DAB1: variants seen among roughly 807,000 people sequenced by gnomAD.
The protein encoded by DAB1 is disabled homolog 1.
DAB1 carries 15 observed loss-of-function variants against 64.6 expected under a neutral mutation model. The ratio of observed to expected loss-of-function variants is 0.23; its 90% CI spans 0.16 to 0.36. The LOEUF (loss-of-function observed/expected upper bound fraction) is 0.36. DAB1 is among the 10% of genes least tolerant of loss of function. The pLI is 1.00. For synonymous variants in DAB1, 235 were observed against 251.9 expected, an observed-to-expected ratio of 0.93 and a Z score of 0.64; for missense variants, 596 against 706.7, an observed-to-expected ratio of 0.84 and a Z score of 1.78.
intron 5 of DAB1, chr1:58,048,322 A>C: frequency 2.7e-6 from 3 of 1,119,106 alleles, no homozygotes; most frequent in South Asian, 2.5e-5. Flanking sequence ...TGGGTCCAAA[A>C]TTTGAAAACT....
chr1:57,258,676 A>G (rs902055847), intron 2 of DAB1, among the ~76,000 whole-genome samples: 1 of 152,208 alleles, frequency 6.6e-6, no homozygotes, highest in African/African-American at 2.4e-5. Context: ...AATTACGCAA[A>G]TGATCCAAAT....
intron 7 of DAB1, among the ~76,000 whole-genome samples, chr1:57,520,914 A>G (rs1257304561): frequency 6.6e-6 from 1 of 152,048 alleles, no homozygotes; most frequent in Non-Finnish European, 1.5e-5. Context: ...CAGGACAGTC[A>G]AGCAGAAAAG....
intron 7 of DAB1, among the ~76,000 whole-genome samples, chr1:57,644,222 A>G (rs1009576582): frequency 4.6e-5 from 7 of 152,194 alleles, no homozygotes; most frequent in Admixed American, 2.6e-4. Flanking sequence ...AAAAGAGGCG[A>G]GAAACTAGAC....
intron 9 of DAB1, among the ~76,000 whole-genome samples, chr1:57,032,026 C>T (rs966143084): frequency 6.6e-6 from 1 of 152,200 alleles, no homozygotes; most frequent in Non-Finnish European, 1.5e-5. Flanking sequence ...TCTCCCCAGT[C>T]ATTCTTTGAT....
chr1:57,239,513 A>C (rs1310552995), intron 2 of DAB1, among the ~76,000 whole-genome samples: 1 of 152,176 alleles, frequency 6.6e-6, no homozygotes, highest in Non-Finnish European at 1.5e-5. Context: ...TGATTTAGGC[A>C]ATGGGGAGTG....
intron 2 of DAB1, among the ~76,000 whole-genome samples, chr1:57,158,546 T>C (rs1348061935): frequency 6.6e-6 from 1 of 152,304 alleles, no homozygotes; most frequent in East Asian, 1.9e-4. Flanking sequence ...AGAGCCCTAT[T>C]GTCTGTTAGG....
chr1:58,300,618 G>GAAAGAA, intron 4 of DAB1, among the ~76,000 whole-genome samples: 1 of 42,580 alleles, frequency 2.3e-5, no homozygotes, highest in African/African-American at 8.0e-5. Context: ...GAAAGAGAGA[G>GAAAGAA]AGAGAGAGAG....
intron 4 of DAB1, among the ~76,000 whole-genome samples, chr1:58,287,491 G>A (rs773407176): frequency 6.6e-6 from 1 of 152,138 alleles, no homozygotes; most frequent in Non-Finnish European, 1.5e-5. Flanking sequence ...GGATGCATGA[G>A]ATGGCTTGCT....
chr1:57,724,281 A>G (rs934853592), intron 6 of DAB1, among the ~76,000 whole-genome samples: 2 of 105,972 alleles, frequency 1.9e-5, no homozygotes, highest in Non-Finnish European at 3.7e-5. Context: ...GAAGGAAGGA[A>G]GGAACGAAGG....
intron 4 of DAB1, among the ~76,000 whole-genome samples, chr1:58,239,635 G>A (rs528493177): frequency 4.6e-5 from 7 of 152,080 alleles, no homozygotes; most frequent in Non-Finnish European, 8.8e-5. Flanking sequence ...GACCCTTTTC[G>A]CAAGAGGTCA....
At chr1:57,936,541 G>A (rs371857741) in intron 5 of DAB1, among the ~76,000 whole-genome samples, 6 of 152,012 alleles carry the variant, frequency 3.9e-5, no homozygotes, top group East Asian at 1.9e-4. Flanking sequence ...ACAGGCAGCC[G>A]CCACCACGCC....
chr1:57,419,959 G>A (rs773165565), intron 1 of DAB1, among the ~76,000 whole-genome samples: 14 of 152,316 alleles, frequency 9.2e-5, no homozygotes, highest in South Asian at 2.1e-4. Context: ...CTGTTTCTGC[G>A]TTACTAATTG....
At chr1:57,815,747 G>C (rs2144756) in intron 6 of DAB1, among the ~76,000 whole-genome samples, 1 of 151,638 alleles carries the variant, frequency 6.6e-6, no homozygotes, top group Non-Finnish European at 1.5e-5. Context: ...CTTATTGTCA[G>C]CATGCTACCT....
intron 6 of DAB1, 84 bp downstream of exon 6, chr1:57,071,438 G>T: frequency 6.8e-7 from 1 of 1,473,250 alleles, no homozygotes; most frequent in Non-Finnish European, 9.2e-7. Context: ...CTTGGCAGCA[G>T]GAAGAGAAGG....
chr1:57,524,883 A>C (rs1342033281), intron 7 of DAB1, among the ~76,000 whole-genome samples: 1 of 152,222 alleles, frequency 6.6e-6, no homozygotes, highest in Admixed American at 6.5e-5. Flanking sequence ...CAAGCAAACC[A>C]AACAAAAATG....
At chr1:57,033,542 C>T (rs768740738) in intron 9 of DAB1, 8 of 1,612,664 alleles carry the variant, frequency 5.0e-6, no homozygotes, top group South Asian at 2.2e-5. Flanking sequence ...TGCAGCAAAC[C>T]GTTCTTCAAA....
chr1:57,113,041 A>G (rs1655805654), intron 4 of DAB1, among the ~76,000 whole-genome samples: 1 of 152,144 alleles, frequency 6.6e-6, no homozygotes, highest in East Asian at 1.9e-4. Flanking sequence ...AGGGGAGGAA[A>G]AAGGGGGTGA....
chr1:57,979,224 T>C (rs1645999819), intron 5 of DAB1, among the ~76,000 whole-genome samples: 1 of 152,224 alleles, frequency 6.6e-6, no homozygotes, highest in African/African-American at 2.4e-5. Flanking sequence ...CATGGAATAC[T>C]ATGCAGCCAT....
intron 5 of DAB1, among the ~76,000 whole-genome samples, chr1:58,109,473 G>A (rs528762003): frequency 2.5e-4 from 38 of 152,284 alleles, no homozygotes; most frequent in African/African-American, 6.5e-4. Flanking sequence ...AAAGAGCCAG[G>A]AGGCTCTAGG....
Sources: gnomAD v4.1 joint callset for allele counts (sites outside exome capture counted in the v4.1 genomes callset) on GRCh38, gnomAD v4.1.1 for gene constraint, MANE v1.5 for transcripts, NCBI Gene and HGNC (gene_info 2026-07-23, HGNC 2026-07-21) for gene names.